The following ILDR1 variants were observed in gnomAD, a reference collection of about 807,000 sequenced individuals.
ILDR1 encodes the protein immunoglobulin like domain containing receptor 1.
In ILDR1, 56 loss-of-function variants were observed where a neutral mutation model predicts 62.4. That is an observed-to-expected ratio of 0.90 (90% CI 0.72 to 1.12). ILDR1 has a LOEUF of 1.12. ILDR1 is among the 50% of genes most tolerant of loss of function. The pLI is 0.00. For missense variants in ILDR1, 736 were observed against 710.6 expected, an observed-to-expected ratio of 1.04 and a Z score of -0.41; for synonymous variants, 284 against 277.8, an observed-to-expected ratio of 1.02 and a Z score of -0.22.
intron 1 of ILDR1, among the ~76,000 whole-genome samples, chr3:122,014,320 C>A (rs948077382): frequency 2.6e-5 from 4 of 152,148 alleles, no homozygotes; most frequent in Non-Finnish European, 5.9e-5. Context: ...TGGTCTACAT[C>A]CCTTCACATC....
chr3:122,005,208 C>CCCCCCCCCT, intron 3 of ILDR1, 36 bp downstream of exon 3: 5 of 1,283,020 alleles, frequency 3.9e-6, no homozygotes, highest in Admixed American at 1.8e-5. Flanking sequence ...CACCTCCCCC[C>CCCCCCCCCT]ACCCCCAGTT....
upstream of ILDR1, chr3:122,022,357 G>C: frequency 2.7e-6 from 1 of 374,396 alleles, no homozygotes; most frequent in Non-Finnish European, 4.8e-6. Flanking sequence ...TTCCCTACCT[G>C]CTGCCGCCTC....
At chr3:122,047,473 C>G in the ILDR1 span, among the ~76,000 whole-genome samples, 2 of 152,256 alleles carry the variant, frequency 1.3e-5, no homozygotes, top group Admixed American at 1.3e-4. Flanking sequence ...GCTTTGTTTA[C>G]CTAAGCAAGC....
At position 121,993,852 on chromosome 3, in the gene ILDR1, G is replaced by C; in HGVS notation, c.897C>G (p.Ala299=). Residue 299 remains alanine (A), a synonymous_variant, in exon 7 of 8, where the codon GCC becomes GCG. Transcript: ENST00000344209. ...CTTTGAGGTCAGGGGGCAGAGGCTG[G>C]GCCAGGTTGAGGTTCCGCAGTTCTT... ...LEKELRNLNL[A]QPLPPDLKGR... 1 of 1,614,130 alleles carries C rather than the reference G, an allele frequency of 6.2e-7. No individual in the cohort carries two copies. The highest frequency in any genetic ancestry group is 2.2e-5 in the East Asian group (1 of 44,882).
chr3:122,024,621 C>T (rs930392132), upstream of ILDR1, among the ~76,000 whole-genome samples: 2 of 152,172 alleles, frequency 1.3e-5, no homozygotes, highest in African/African-American at 4.8e-5. Context: ...ATGTACCAAG[C>T]AATGTTCTTA....
At chr3:122,029,078 A>T in the ILDR1 span, among the ~76,000 whole-genome samples, 2 of 152,240 alleles carry the variant, frequency 1.3e-5, no homozygotes, top group Non-Finnish European at 2.9e-5. Context: ...GATTTACAAC[A>T]TGGGTGAATA....
At chr3:122,000,253 G>GAA (rs757632692) in intron 5 of ILDR1, among the ~76,000 whole-genome samples, 9 of 126,744 alleles carry the variant, frequency 7.1e-5, no homozygotes, top group African/African-American at 8.7e-5. Context: ...AGTTAAGGAG[G>GAA]AAAAAAAAAA....
rs2071532673 is a variant in ILDR1, at chr3:122,001,834, C to T, written c.410G>A (p.Trp137Ter). ...RADLVINEVM[W>*]WDHGVYYCTI... ...GCAGTAATACACTCCATGGTCCCAC[C>T]ACATCACTTCATTTATCACGAGATC... The change falls in exon 4 of 8, where the codon TGG (tryptophan) becomes TAG (stop). Residue 137 changes from tryptophan (W) to a stop codon, truncating the protein, a stop_gained. Transcript: ENST00000344209. LOFTEE classifies it high-confidence loss of function. 2 of 1,613,588 alleles carry T rather than the reference C, an allele frequency of 1.2e-6. No homozygotes were observed. The highest frequency in any genetic ancestry group is 1.7e-6 in the Non-Finnish European group (2 of 1,179,960).
the ILDR1 span, among the ~76,000 whole-genome samples, chr3:122,047,294 G>A: frequency 6.1e-4 from 93 of 152,276 alleles, 2 homozygotes; most frequent in East Asian, 0.016. Flanking sequence ...CTCCAGCTGC[G>A]TGCTGGGAGA....
In ILDR1 at chr3:121,988,171, G is replaced by T. The variant is rs1365093984; in HGVS notation, c.*196C>A. On this transcript the variant is annotated 3_prime_UTR_variant, in exon 8 of 8. Transcript: ENST00000344209. Reference sequence around the variant, plus strand: ...CAAGTGATTCTTAGCCTCCCAAAGTGCTGTGATTACAGGTGTGAGCCACTA... The same window carrying T: ...CAAGTGATTCTTAGCCTCCCAAAGTTCTGTGATTACAGGTGTGAGCCACTA... The T allele has an allele frequency of 1.5e-6, 1 of 662,908 alleles. No individual in the cohort carries two copies. The highest frequency in any genetic ancestry group is 2.8e-6 in the Non-Finnish European group (1 of 358,824). The allele number at this position is 662,908 out of a possible 1,614,324, so 41.1% of individuals were successfully genotyped here. A position where few individuals can be genotyped will look rare whatever the true frequency, so the allele number is the denominator to read the frequency against.
intron 7 of ILDR1, 108 bp downstream of exon 7, chr3:121,993,042 G>T (rs1161776834): frequency 1.1e-6 from 1 of 923,072 alleles, no homozygotes; most frequent in East Asian, 2.6e-5. Flanking sequence ...CAGGGAGGAG[G>T]CACCCTCTGT....
the ILDR1 span, among the ~76,000 whole-genome samples, chr3:122,040,983 T>G: frequency 6.6e-6 from 1 of 152,180 alleles, no homozygotes; most frequent in Non-Finnish European, 1.5e-5. Flanking sequence ...AGACACAGAC[T>G]GGGAGAAAAT....
chr3:122,021,027 A>T (rs1411167499), intron 1 of ILDR1, among the ~76,000 whole-genome samples: 16 of 152,238 alleles, frequency 1.1e-4, no homozygotes. Context: ...GCTTGTAGAA[A>T]GAACATTCTG....
At chr3:122,047,646 C>A in the ILDR1 span, among the ~76,000 whole-genome samples, 1 of 152,184 alleles carries the variant, frequency 6.6e-6, no homozygotes, top group Non-Finnish European at 1.5e-5. Flanking sequence ...GTCTGAAAAG[C>A]GCAATATTCG....
At chr3:122,003,050 T>C (rs980118939) in intron 3 of ILDR1, among the ~76,000 whole-genome samples, 3 of 152,092 alleles carry the variant, frequency 2.0e-5, no homozygotes, top group Non-Finnish European at 4.4e-5. Flanking sequence ...ACCGAGGAGA[T>C]GTAAAGAGAA....
the ILDR1 span, among the ~76,000 whole-genome samples, chr3:122,035,848 G>A: frequency 1.3e-5 from 2 of 152,212 alleles, no homozygotes; most frequent in East Asian, 1.9e-4. Context: ...GAAAGTGGGG[G>A]ATTGCTACAA....
At chr3:122,001,933 C>G in intron 3 of ILDR1, 69 bp from the exon 4 acceptor site, 1 of 1,565,096 alleles carries the variant, frequency 6.4e-7, no homozygotes, top group Non-Finnish European at 8.8e-7. Context: ...CCATGACACC[C>G]TCAAGACCTG....
At chr3:121,989,874 ATTAC>A (rs898788089) in intron 7 of ILDR1, among the ~76,000 whole-genome samples, 10 of 114,364 alleles carry the variant, frequency 8.7e-5, no homozygotes, top group African/African-American at 3.1e-4. Flanking sequence ...TTTGTCAAAT[ATTAC>A]TCTTGAGAGA....
the ILDR1 span, chr3:122,055,547 G>A: frequency 2.5e-6 from 4 of 1,591,936 alleles, no homozygotes; most frequent in South Asian, 4.4e-5. Flanking sequence ...TATGAGTTGT[G>A]ACTGCAGTGA....
Sources: allele counts gnomAD v4.1 joint callset (sites outside exome capture counted in the v4.1 genomes callset), GRCh38; gene constraint gnomAD v4.1.1; transcripts MANE v1.5; gene names NCBI Gene and HGNC (gene_info 2026-07-23, HGNC 2026-07-21).